The following MCTP1 variants were observed in gnomAD, a reference collection of about 807,000 sequenced individuals.
MCTP1 encodes multiple C2 and transmembrane domain-containing protein 1.
Under a neutral mutation model 120.6 loss-of-function variants are expected in MCTP1, and 69 were observed. That is an observed-to-expected ratio of 0.57 (90% CI 0.47 to 0.70). MCTP1 has a LOEUF of 0.70. MCTP1 is among the 30% of genes least tolerant of loss of function. The pLI is 0.00. For synonymous variants in MCTP1, 529 were observed against 493.1 expected (o/e 1.07, Z -0.96); for missense variants, 1,203 against 1,248.8 (o/e 0.96, Z 0.55).
At chr5:94,982,159 A>T (rs1376331690) in intron 2 of MCTP1, among the ~76,000 whole-genome samples, 1 of 152,216 alleles carries the variant, frequency 6.6e-6, no homozygotes, top group African/African-American at 2.4e-5. Flanking sequence ...AATGATACAT[A>T]CAAAATGAGT....
At chr5:94,966,923 T>TA (rs1825757557) in intron 2 of MCTP1, among the ~76,000 whole-genome samples, 1 of 152,218 alleles carries the variant, frequency 6.6e-6, no homozygotes, top group African/African-American at 2.4e-5. Flanking sequence ...AAAGTGTTGT[T>TA]ACAATGATCT....
intron 1 of MCTP1, among the ~76,000 whole-genome samples, chr5:95,042,802 C>T (rs1305431575): frequency 6.6e-6 from 1 of 152,174 alleles, no homozygotes; most frequent in Non-Finnish European, 1.5e-5. Context: ...GATGTCAATA[C>T]ATTCAGCTCT....
intron 3 of MCTP1, among the ~76,000 whole-genome samples, chr5:94,949,586 TAGTA>T (rs1411127584): frequency 6.6e-6 from 1 of 152,136 alleles, no homozygotes; most frequent in Non-Finnish European, 1.5e-5. Flanking sequence ...TTACTAGAAA[TAGTA>T]CAAGCACTTC....
At chr5:95,113,825 G>A (rs1340307088) in intron 1 of MCTP1, among the ~76,000 whole-genome samples, 1 of 152,156 alleles carries the variant, frequency 6.6e-6, no homozygotes, top group Non-Finnish European at 1.5e-5. Flanking sequence ...GGGAGTGCTT[G>A]TTCCACCTCT....
At chr5:94,980,809 C>A (rs532954023) in intron 2 of MCTP1, 1 of 151,852 alleles carries the variant, frequency 6.6e-6, no homozygotes, top group Non-Finnish European at 1.5e-5. Context: ...AAGTTTTTTT[C>A]GTTTTAAAAT....
intron 2 of MCTP1, among the ~76,000 whole-genome samples, chr5:94,974,680 C>G (rs1369873804): frequency 5.3e-5 from 8 of 151,536 alleles, no homozygotes; most frequent in Non-Finnish European, 1.2e-4. Flanking sequence ...ACCTAAGTAT[C>G]AAAAAAGTGC....
intron 12 of MCTP1, among the ~76,000 whole-genome samples, chr5:94,886,664 C>T (rs1443017032): frequency 6.6e-6 from 1 of 152,142 alleles, no homozygotes; most frequent in African/African-American, 2.4e-5. Flanking sequence ...TAAATGGACG[C>T]TAAGTTGAGG....
intron 6 of MCTP1, among the ~76,000 whole-genome samples, chr5:94,924,825 G>C (rs957179759): frequency 1.3e-5 from 2 of 152,194 alleles, no homozygotes; most frequent in Non-Finnish European, 2.9e-5. Context: ...AGTTGACACT[G>C]TGATAAAGAG....
intron 2 of MCTP1, among the ~76,000 whole-genome samples, chr5:95,010,928 C>A (rs930038816): frequency 6.6e-6 from 1 of 152,090 alleles, no homozygotes; most frequent in South Asian, 2.1e-4. Flanking sequence ...TAACTGATGT[C>A]ATATGTTGCC....
chr5:94,874,009 T>C (rs556331653), intron 12 of MCTP1, among the ~76,000 whole-genome samples: 21 of 152,166 alleles, frequency 1.4e-4, no homozygotes, highest in African/African-American at 4.8e-4. Context: ...ATTTTTGTAA[T>C]GTTATGCCCT....
chr5:94,768,402 A>T (rs1476918886), intron 19 of MCTP1, among the ~76,000 whole-genome samples: 1 of 152,198 alleles, frequency 6.6e-6, no homozygotes, highest in Non-Finnish European at 1.5e-5. Context: ...AAATAGACAA[A>T]CAGGACTATA....
chr5:95,169,595 G>A (rs1036450327), intron 1 of MCTP1, among the ~76,000 whole-genome samples: 1 of 152,072 alleles, frequency 6.6e-6, no homozygotes, highest in Non-Finnish European at 1.5e-5. Context: ...GTCTATTCAG[G>A]AATTCAACTT....
chr5:95,088,005 G>A (rs761546786), intron 1 of MCTP1, among the ~76,000 whole-genome samples: 14 of 152,182 alleles, frequency 9.2e-5, no homozygotes, highest in Non-Finnish European at 1.5e-4. Context: ...AGCAAAATGC[G>A]CTGGGTGGGA....
At chr5:94,789,379 A>C (rs1778408188) in intron 18 of MCTP1, 1 of 152,224 alleles carries the variant, frequency 6.6e-6, no homozygotes, top group Non-Finnish European at 1.5e-5. Context: ...TTAAAAATAG[A>C]AGTGTTTCCT....
intron 1 of MCTP1, among the ~76,000 whole-genome samples, chr5:95,199,553 C>T (rs1750761075): frequency 6.6e-6 from 1 of 152,126 alleles, no homozygotes; most frequent in South Asian, 2.1e-4. Context: ...GTTAGAATGG[C>T]TATTATGAAA....
intron 1 of MCTP1, among the ~76,000 whole-genome samples, chr5:95,082,638 C>T (rs760976237): frequency 2.0e-5 from 3 of 152,054 alleles, no homozygotes; most frequent in African/African-American, 7.2e-5. Flanking sequence ...GTAATGGTTA[C>T]CCTAGTATGT....
chr5:94,814,811 T>A (rs555466844), intron 17 of MCTP1, among the ~76,000 whole-genome samples: 1 of 152,214 alleles, frequency 6.6e-6, no homozygotes, highest in East Asian at 1.9e-4. Flanking sequence ...AGAATGAGGA[T>A]AGTGTATTCA....
At chr5:95,257,438 A>G (rs908396808) in intron 1 of MCTP1, among the ~76,000 whole-genome samples, 13 of 152,166 alleles carry the variant, frequency 8.5e-5, no homozygotes, top group African/African-American at 2.7e-4. Flanking sequence ...ACAGAAAACT[A>G]TTTTTAAAAA....
intron 1 of MCTP1, among the ~76,000 whole-genome samples, chr5:95,206,299 G>T (rs1456542571): frequency 2.6e-5 from 4 of 152,124 alleles, no homozygotes; most frequent in Non-Finnish European, 5.9e-5. Flanking sequence ...TATATTAAAT[G>T]CTCAGAAAAA....
Sources: allele counts gnomAD v4.1 joint callset (sites outside exome capture counted in the v4.1 genomes callset), GRCh38; gene constraint gnomAD v4.1.1; transcripts MANE v1.5; gene names NCBI Gene and HGNC (gene_info 2026-07-23, HGNC 2026-07-21).